ARHGAP10: variants seen among roughly 807,000 people sequenced by gnomAD.
ARHGAP10 encodes Rho GTPase activating protein 10.
A neutral mutation model predicts 108.6 loss-of-function variants in ARHGAP10; 87 were observed. The ratio of observed to expected loss-of-function variants is 0.80; its 90% confidence interval spans 0.67 to 0.96. The LOEUF is 0.96. Ranked by LOEUF, ARHGAP10 falls within the 40% of genes least tolerant of loss-of-function variation. ARHGAP10 has a pLI of 0.00. For synonymous variants in ARHGAP10, 347 were observed against 341.1 expected (o/e 1.02, Z -0.19); for missense variants, 939 against 954.5 (o/e 0.98, Z 0.21).
intron 3 of ARHGAP10, among the ~76,000 whole-genome samples, chr4:147,830,955 T>C (rs772477073): frequency 6.6e-6 from 1 of 152,236 alleles, no homozygotes; most frequent in African/African-American, 2.4e-5. Context: ...ATTCTTTCTT[T>C]AGTATGCCCT....
At chr4:147,939,540 T>C (rs546551325) in intron 13 of ARHGAP10, among the ~76,000 whole-genome samples, 1 of 152,350 alleles carries the variant, frequency 6.6e-6, no homozygotes, top group South Asian at 2.1e-4. Flanking sequence ...ATTGGATTGG[T>C]ATTCATTTCA....
At chr4:147,988,700 G>C (rs948478535) in intron 18 of ARHGAP10, among the ~76,000 whole-genome samples, 52 of 152,192 alleles carry the variant, frequency 3.4e-4, no homozygotes, top group African/African-American at 1.2e-3. Flanking sequence ...ATGGGGTCTA[G>C]AACATTTCTT....
intron 1 of ARHGAP10, among the ~76,000 whole-genome samples, chr4:147,776,738 G>A (rs1333853120): frequency 6.6e-6 from 1 of 152,222 alleles, no homozygotes; most frequent in Non-Finnish European, 1.5e-5. Context: ...GGTTTGATAG[G>A]GAACAGCTGC....
At chr4:148,023,093 T>TA (rs1259236481) in intron 18 of ARHGAP10, 170 bp from the exon 19 acceptor site, 5 of 578,394 alleles carry the variant, frequency 8.6e-6, no homozygotes, top group Admixed American at 6.7e-5. Context: ...AATCTTCTGT[T>TA]AAAAAAATAA....
chr4:147,869,259 G>A (rs1043657040), intron 7 of ARHGAP10, among the ~76,000 whole-genome samples: 1 of 152,160 alleles, frequency 6.6e-6, no homozygotes, highest in Non-Finnish European at 1.5e-5. Flanking sequence ...TCTGGGGTGA[G>A]CTGTGGGGAA....
intron 13 of ARHGAP10, among the ~76,000 whole-genome samples, chr4:147,934,224 A>G (rs1737834146): frequency 6.6e-6 from 1 of 152,218 alleles, no homozygotes; most frequent in African/African-American, 2.4e-5. Flanking sequence ...AGAGGGCTGT[A>G]GCTAAGTCCC....
intron 10 of ARHGAP10, among the ~76,000 whole-genome samples, chr4:147,899,876 G>GTTT (rs5862818): frequency 7.1e-6 from 1 of 140,012 alleles, no homozygotes; most frequent in Admixed American, 7.0e-5. Flanking sequence ...TACGTGCTGG[G>GTTT]TTTTTTTTTT....
chr4:147,860,585 C>T (rs1328699293), intron 5 of ARHGAP10, among the ~76,000 whole-genome samples: 1 of 152,146 alleles, frequency 6.6e-6, no homozygotes, highest in African/African-American at 2.4e-5. Flanking sequence ...CCATCCACAC[C>T]CCTACATTCT....
intron 1 of ARHGAP10, 121 bp from the exon 2 acceptor site, chr4:147,822,606 G>C: frequency 1.0e-6 from 1 of 973,560 alleles, no homozygotes; most frequent in Non-Finnish European, 1.6e-6. Context: ...GTTGGGTCAT[G>C]CCTTCTCATA....
chr4:147,827,178 CT>C (rs11311332), intron 3 of ARHGAP10, among the ~76,000 whole-genome samples: 23,753 of 144,926 alleles, frequency 0.16, 2,547 homozygotes, highest in African/African-American at 0.33. Flanking sequence ...TCACTGATCA[CT>C]TTTTTTTTTT....
At chr4:147,811,597 A>C (rs1028913593) in intron 1 of ARHGAP10, among the ~76,000 whole-genome samples, 7 of 151,936 alleles carry the variant, frequency 4.6e-5, no homozygotes, top group Non-Finnish European at 1.0e-4. Flanking sequence ...TTTTAAAAAA[A>C]AAAAACAAAA....
intron 9 of ARHGAP10, among the ~76,000 whole-genome samples, chr4:147,881,071 T>C (rs2043645): frequency 0.2 from 30,914 of 151,582 alleles, 5,239 homozygotes; most frequent in African/African-American, 0.47. Context: ...GTCAGGAGTT[T>C]GAGACTGGCC....
intron 1 of ARHGAP10, among the ~76,000 whole-genome samples, chr4:147,820,782 G>T (rs1451165180): frequency 6.6e-6 from 1 of 151,760 alleles, no homozygotes; most frequent in Non-Finnish European, 1.5e-5. Context: ...GTAGAGATAG[G>T]GTTTCACCAT....
chr4:147,850,440 C>T (rs1733825518), intron 4 of ARHGAP10, among the ~76,000 whole-genome samples: 1 of 152,172 alleles, frequency 6.6e-6, no homozygotes, highest in African/African-American at 2.4e-5. Context: ...ACACTCACCA[C>T]GAAGGTCTGC....
chr4:147,866,641 G>T, intron 6 of ARHGAP10, 71 bp from the exon 7 acceptor site: 1 of 1,112,720 alleles, frequency 9.0e-7, no homozygotes, highest in Non-Finnish European at 1.3e-6. Flanking sequence ...GGGAACACTT[G>T]GTTGTTTATA....
intron 18 of ARHGAP10, 80 bp from the exon 19 acceptor site, chr4:148,023,180 ATGT>A (rs1741634618): frequency 6.7e-7 from 1 of 1,503,548 alleles, no homozygotes; most frequent in Admixed American, 1.7e-5. Context: ...TCCAAATCAA[ATGT>A]TGTGGTGCTG....
intron 19 of ARHGAP10, among the ~76,000 whole-genome samples, chr4:148,039,998 A>G (rs1394507469): frequency 6.6e-6 from 1 of 152,206 alleles, no homozygotes; most frequent in Non-Finnish European, 1.5e-5. Context: ...GTTCTCATTT[A>G]CAAGTCCATG....
At chr4:147,750,721 C>A (rs1443582051) in intron 1 of ARHGAP10, among the ~76,000 whole-genome samples, 3 of 151,638 alleles carry the variant, frequency 2.0e-5, no homozygotes, top group African/African-American at 7.3e-5. Context: ...CCTGCCTCAG[C>A]CTCCTGAGTA....
At chr4:147,744,127 G>A (rs1199803457) in intron 1 of ARHGAP10, among the ~76,000 whole-genome samples, 2 of 152,202 alleles carry the variant, frequency 1.3e-5, no homozygotes, top group Non-Finnish European at 2.9e-5. Flanking sequence ...TGTTGAATCA[G>A]TATGGGATGC....
Sources: allele counts gnomAD v4.1 joint callset (sites outside exome capture counted in the v4.1 genomes callset), GRCh38; gene constraint gnomAD v4.1.1; transcripts MANE v1.5; gene names NCBI Gene and HGNC (gene_info 2026-07-23, HGNC 2026-07-21).